XPNPEP2: variants seen among roughly 807,000 people sequenced by gnomAD.
XPNPEP2 encodes the protein xaa-Pro aminopeptidase 2.
In XPNPEP2, 64 loss-of-function variants were observed where a neutral mutation model predicts 59.8. The ratio of observed to expected loss-of-function variants is 1.07; its 90% CI spans 0.87 to 1.32. The LOEUF is 1.32. Ranked by LOEUF, XPNPEP2 falls within the 40% of genes most tolerant of loss-of-function variation. The probability of loss-of-function intolerance (pLI) is 0.00; values close to 1 mark genes in which losing one functional copy is unlikely to be tolerated. For synonymous variants in XPNPEP2, 235 were observed against 210.0 expected (o/e 1.12, Z -1.03); for missense variants, 575 against 546.8 (o/e 1.05, Z -0.51).
chrX:129,757,039 TATATATATACACACAC>T (rs1439927585), intron 14 of XPNPEP2, among the ~76,000 whole-genome samples: 10 of 84,581 alleles, frequency 1.2e-4, no homozygotes, highest in South Asian at 6.3e-4. Context: ...CACACACACA[TATATATATACACACAC>T]ATATATATAC....
intron 10 of XPNPEP2, 74 bp downstream of exon 10, chrX:129,752,419 G>A: frequency 2.8e-6 from 3 of 1,065,411 alleles, no homozygotes; most frequent in African/African-American, 3.6e-5. Context: ...AACCTAAAGT[G>A]AGGTGAAGCC....
Position 129,745,186 on chromosome X carries a change from T to C in XPNPEP2, c.235-17T>C. 8.3e-7 allele frequency: 1 copy of C among 1,211,240 alleles called. No individual in the cohort carries two copies. Among genetic ancestry groups the C allele is most frequent in the Non-Finnish European group, 1.1e-6 (1 of 895,205 alleles). On this transcript the variant is annotated splice_polypyrimidine_tract_variant and intron_variant, in intron 3 of 20. Transcript: ENST00000371106. ...ATACCACGAAAAAGGCTAATGATGG[T>C]GTTGTTGATTTCCTAGAACGAGTAC... is the stretch of plus-strand genomic sequence containing the variant.
intron 14 of XPNPEP2, among the ~76,000 whole-genome samples, chrX:129,757,888 AG>A (rs1926573294): frequency 1.5e-4 from 12 of 77,770 alleles, no homozygotes; most frequent in African/African-American, 6.4e-4. Context: ...AGAGAGAGAG[AG>A]AGAGAGAAAG....
chrX:129,765,786 C>T (rs1015965251), intron 19 of XPNPEP2, among the ~76,000 whole-genome samples: 6 of 109,829 alleles, frequency 5.5e-5, no homozygotes, highest in Non-Finnish European at 9.5e-5. Flanking sequence ...TACAGGCACA[C>T]ACCACCACGA....
chrX:129,768,255 G>A (rs1306156541), intron 20 of XPNPEP2, 36 bp from the exon 21 acceptor site: 1 of 1,129,223 alleles, frequency 8.9e-7, no homozygotes. Flanking sequence ...TGGCAGCTTG[G>A]CTTAGAGAGG....
At chrX:129,745,337 G>T (rs895415920) in intron 4 of XPNPEP2, 71 bp downstream of exon 4, 8 of 1,140,969 alleles carry the variant, frequency 7.0e-6, no homozygotes, top group Admixed American at 4.5e-5. Flanking sequence ...ACCTAATGTG[G>T]CTAGTGTCTC....
intron 19 of XPNPEP2, among the ~76,000 whole-genome samples, chrX:129,766,344 C>T (rs1316990503): frequency 8.9e-6 from 1 of 111,916 alleles, no homozygotes; most frequent in African/African-American, 3.3e-5. Flanking sequence ...GGACTACAGG[C>T]GCCCACCACC....
At chrX:129,753,382 C>G in intron 11 of XPNPEP2, 134 bp downstream of exon 11, 1 of 579,095 alleles carries the variant, frequency 1.7e-6, no homozygotes, top group Admixed American at 3.4e-5. Flanking sequence ...GTGGCTCACG[C>G]CTGTAATCCT....
intron 3 of XPNPEP2, 59 bp from the exon 4 acceptor site, chrX:129,745,144 C>G: frequency 8.4e-7 from 1 of 1,187,354 alleles, no homozygotes; most frequent in Non-Finnish European, 1.1e-6. Flanking sequence ...GGTTGGGGGC[C>G]TTTCATGTGG....
At chrX:129,743,238 C>T (rs1030922150) in intron 2 of XPNPEP2, among the ~76,000 whole-genome samples, 5 of 112,336 alleles carry the variant, frequency 4.5e-5, no homozygotes, top group Admixed American at 1.9e-4. Flanking sequence ...ACAGCACAAA[C>T]GGAAACATGC....
At chrX:129,757,899 GAAAGAAAGAAAGAA>G (rs1569477268) in intron 14 of XPNPEP2, among the ~76,000 whole-genome samples, 26 of 17,001 alleles carry the variant, frequency 1.5e-3, no homozygotes, top group Non-Finnish European at 2.4e-3. Flanking sequence ...GAGAGAGAAA[GAAAGAAAGAAAGAA>G]AGAAAGAAAG....
In XPNPEP2 at chrX:129,747,490, C is replaced by T. The variant is rs745500713; in HGVS notation, c.491-117C>T. ...GTGGGCAGGCTGCTGGGGCAGGCTCCGGGCAGCTGGGCTGCAAAGGGAGGC... is the reference window on the plus strand; with the variant it reads ...GTGGGCAGGCTGCTGGGGCAGGCTCTGGGCAGCTGGGCTGCAAAGGGAGGC... On this transcript the variant is annotated intron_variant, in intron 6 of 20. Coordinates refer to ENST00000371106, the MANE Select transcript of XPNPEP2 (RefSeq NM_003399.6). 1.1e-4 allele frequency: 115 copies of T among 1,047,867 alleles called. No homozygotes were observed. The South Asian group carries it at 1.4e-3, about 12-fold the overall frequency. 86.4% of individuals were successfully genotyped at this position (1,047,867 alleles called of 1,213,427 possible). A position where few individuals can be genotyped will look rare whatever the true frequency, so the allele number is the denominator to read the frequency against.
intron 1 of XPNPEP2, 66 bp from the exon 2 acceptor site, chrX:129,742,042 T>G: frequency 9.5e-7 from 1 of 1,057,758 alleles, no homozygotes; most frequent in Non-Finnish European, 1.3e-6. Flanking sequence ...GCTGAGAGGA[T>G]ACTCCTTCCC....
At chrX:129,752,890 C>T (rs189101886) in intron 10 of XPNPEP2, among the ~76,000 whole-genome samples, 2 of 112,283 alleles carry the variant, frequency 1.8e-5, no homozygotes, top group Non-Finnish European at 1.9e-5. Flanking sequence ...TGGTGGGATC[C>T]GAAGACAGGG....
chrX:129,758,573 C>T (rs748728113), intron 14 of XPNPEP2, among the ~76,000 whole-genome samples: 7 of 111,123 alleles, frequency 6.3e-5, no homozygotes, highest in African/African-American at 1.3e-4. Flanking sequence ...GGGTCAGATC[C>T]GTGTTTGCCA....
At position 129,747,767 on chromosome X, in the gene XPNPEP2, C is replaced by T. The variant is rs1926328197; in HGVS notation, c.637+14C>T. Reference sequence around the variant, plus strand: ...AGGCATTCACAGGTGATTCAGTAAGCCCAGTTTCCTTCCCAACTTGTAGCA... The same window carrying T: ...AGGCATTCACAGGTGATTCAGTAAGTCCAGTTTCCTTCCCAACTTGTAGCA... On this transcript the variant is annotated intron_variant, in intron 7 of 20. Coordinates refer to ENST00000371106, the MANE Select transcript of XPNPEP2 (RefSeq NM_003399.6). 1 of 1,210,243 alleles carries T rather than the reference C, an allele frequency of 8.3e-7. No individual in the cohort carries two copies. The highest frequency in any genetic ancestry group is 1.7e-5 in the African/African-American group (1 of 57,154).
At chrX:129,766,510 C>A (rs899111742) in intron 19 of XPNPEP2, among the ~76,000 whole-genome samples, 19 of 110,472 alleles carry the variant, frequency 1.7e-4, no homozygotes, top group African/African-American at 6.2e-4. Flanking sequence ...TGCACCTGGC[C>A]TCTTTTTTTT....
In XPNPEP2 at chrX:129,756,819, G is replaced by GT. The variant is rs202184700; in HGVS notation, c.1367+270dup. The stretch of plus-strand genomic sequence containing the variant: ...AAAGACTCCCTTTGCTTAAGTTGCT[G>GT]TTTTTTGTGGGTTGTTTGTTTGTTT... On this transcript the variant is annotated intron_variant, in intron 14 of 20. Coordinates refer to ENST00000371106, the MANE Select transcript of XPNPEP2 (RefSeq NM_003399.6). 5.4e-3 allele frequency among the ~76,000 whole-genome samples: 580 copies of GT among 107,669 alleles called. 2 individuals carry two copies. The highest frequency in any genetic ancestry group is 0.019 in the African/African-American group (559 of 29,133). The allele number at this position is 107,669 out of a possible 115,157, so 93.5% of individuals were successfully genotyped here.
At chrX:129,743,242 A>G (rs1018547247) in intron 2 of XPNPEP2, among the ~76,000 whole-genome samples, 2 of 112,585 alleles carry the variant, frequency 1.8e-5, no homozygotes, top group African/African-American at 3.2e-5. Flanking sequence ...CACAAACGGA[A>G]ACATGCTTTT....
Sources: allele counts gnomAD v4.1 joint callset (sites outside exome capture counted in the v4.1 genomes callset), GRCh38; gene constraint gnomAD v4.1.1; transcripts MANE v1.5; gene names NCBI Gene and HGNC (gene_info 2026-07-23, HGNC 2026-07-21).